The following COLQ variants were observed in gnomAD, a reference collection of about 807,000 sequenced individuals.
The protein encoded by COLQ is acetylcholinesterase collagenic tail peptide.
A neutral mutation model predicts 69.0 loss-of-function variants in COLQ; 48 were observed. The observed-to-expected ratio is 0.70, with a 90% CI of 0.55 to 0.88. The LOEUF is 0.88. COLQ is among the 40% of genes least tolerant of loss of function. The pLI is 0.00. For missense variants in COLQ, 618 were observed against 594.6 expected, an observed-to-expected ratio of 1.04 and a Z score of -0.41; for synonymous variants, 217 against 211.2, an observed-to-expected ratio of 1.03 and a Z score of -0.24.
intron 14 of COLQ, 121 bp downstream of exon 14, chr3:15,456,339 C>T (rs2062024967): frequency 7.3e-7 from 1 of 1,362,766 alleles, no homozygotes; most frequent in South Asian, 1.3e-5. Context: ...GCTCAGCCCT[C>T]CCATGCAGAC....
intron 11 of COLQ, among the ~76,000 whole-genome samples, chr3:15,467,446 G>A (rs1309759935): frequency 6.6e-6 from 1 of 152,198 alleles, no homozygotes; most frequent in Non-Finnish European, 1.5e-5. Flanking sequence ...CACAGCAACT[G>A]GCTTGGTTCC....
In COLQ at chr3:15,456,466, G is replaced by A; in HGVS notation, c.1068C>T (p.Pro356=). The stretch of plus-strand genomic sequence containing the variant: ...GGTAATGGCCTGGGGGTACCTGGAT[G>A]GGGAGCCAGCCAAGGCTGTCCTTGA... ...LYFKDSLGWL[P]IQLTPFYPVD... The change falls in exon 14 of 17, where the codon CCC becomes CCT. Residue 356 remains proline, a synonymous_variant. Transcript: ENST00000383788. 6.2e-7 allele frequency: 1 copy of A among 1,614,094 alleles called. No homozygotes were observed. The highest frequency in any genetic ancestry group is 8.5e-7 in the Non-Finnish European group (1 of 1,180,020).
chr3:15,474,829 C>T, intron 8 of COLQ, 96 bp downstream of exon 8: 2 of 1,428,950 alleles, frequency 1.4e-6, no homozygotes, highest in Non-Finnish European at 2.0e-6. Context: ...CAGTTGCAGA[C>T]TAAAGAGAGA....
At chr3:15,491,588 C>A (rs1340524377) in intron 1 of COLQ, among the ~76,000 whole-genome samples, 1 of 152,250 alleles carries the variant, frequency 6.6e-6, no homozygotes, top group African/African-American at 2.4e-5. Context: ...GAGCATTCCA[C>A]TGGCCTGTGC....
At chr3:15,484,082 T>C (rs972996691) in intron 3 of COLQ, among the ~76,000 whole-genome samples, 1 of 152,218 alleles carries the variant, frequency 6.6e-6, no homozygotes, top group Non-Finnish European at 1.5e-5. Context: ...TTTTCCTCCA[T>C]CCCTTTATCT....
At chr3:15,509,219 C>T (rs777284168) in intron 1 of COLQ, among the ~76,000 whole-genome samples, 1 of 152,156 alleles carries the variant, frequency 6.6e-6, no homozygotes, top group African/African-American at 2.4e-5. Flanking sequence ...CCCAGGAGGA[C>T]CTGCACTAGG....
rs763440701 is a variant in COLQ, at chr3:15,451,218, C to T, written c.*426G>A. On this transcript the variant is annotated 3_prime_UTR_variant, in exon 17 of 17. Transcript: ENST00000383788. Reference sequence around the variant, plus strand: ...CCCAGTGTGAGTGAGAATGCCTGCACGTTTCGGTGGTCAGGGGCGGAGAGG... The same window carrying T: ...CCCAGTGTGAGTGAGAATGCCTGCATGTTTCGGTGGTCAGGGGCGGAGAGG... 7 of 262,328 alleles carry T rather than the reference C, an allele frequency of 2.7e-5. No homozygotes were observed. The highest frequency in any genetic ancestry group is 9.2e-5 in the Admixed American group (2 of 21,732). 16.3% of individuals were successfully genotyped at this position (262,328 alleles called of 1,614,324 possible).
At chr3:15,496,957 C>G (rs2062754282) in intron 1 of COLQ, among the ~76,000 whole-genome samples, 1 of 151,564 alleles carries the variant, frequency 6.6e-6, no homozygotes, top group Non-Finnish European at 1.5e-5. Context: ...CAGTACAACT[C>G]ACTTACTCAA....
intron 1 of COLQ, among the ~76,000 whole-genome samples, chr3:15,515,519 G>A (rs1264118001): frequency 6.6e-6 from 1 of 152,180 alleles, no homozygotes; most frequent in African/African-American, 2.4e-5. Flanking sequence ...TGCATTTAAA[G>A]AAGATGGGGA....
chr3:15,491,874 A>G (rs1278965785), intron 1 of COLQ, among the ~76,000 whole-genome samples: 1 of 152,090 alleles, frequency 6.6e-6, no homozygotes, highest in African/African-American at 2.4e-5. Flanking sequence ...CCTGGCCAAC[A>G]TGGTGAAACC....
chr3:15,503,362 G>A (rs907224026), intron 1 of COLQ, among the ~76,000 whole-genome samples: 16 of 152,184 alleles, frequency 1.1e-4, no homozygotes, highest in African/African-American at 3.4e-4. Context: ...AGAGATGGGG[G>A]CATGTCATTA....
chr3:15,455,989 C>T lies in COLQ; in HGVS notation c.1105G>A (p.Ala369Thr). 4.3e-6 allele frequency: 7 copies of T among 1,614,116 alleles called. No individual in the cohort carries two copies. Among genetic ancestry groups the T allele is most frequent in the Non-Finnish European group, 5.9e-6 (7 of 1,180,004 alleles). ...LTPFYPVDYT[A>T]DQHGTCGDGL... ...TCCCCACAGGTGCCGTGCTGGTCTGCAGTGTAATCCACAGGGTAGAAAGGG... is the reference window on the plus strand; with the variant it reads ...TCCCCACAGGTGCCGTGCTGGTCTGTAGTGTAATCCACAGGGTAGAAAGGG... Residue 369 changes from alanine (A) to threonine (T), a missense_variant, in exon 15 of 17, where the codon GCA (alanine) becomes ACA (threonine). Transcript: ENST00000383788.
At chr3:15,475,879 T>C (rs539385599) in intron 6 of COLQ, among the ~76,000 whole-genome samples, 37 of 152,176 alleles carry the variant, frequency 2.4e-4, no homozygotes, top group Non-Finnish European at 3.7e-4. Context: ...GCTCTTTGCA[T>C]AGGAAGGGTC....
chr3:15,462,615 G>A (rs184830490), intron 12 of COLQ, among the ~76,000 whole-genome samples: 8 of 152,240 alleles, frequency 5.3e-5, no homozygotes, highest in African/African-American at 1.9e-4. Flanking sequence ...CACATACCAG[G>A]TGCCACTGGG....
chr3:15,490,478 T>C (rs1303965414), intron 1 of COLQ, among the ~76,000 whole-genome samples: 1 of 152,208 alleles, frequency 6.6e-6, no homozygotes, highest in African/African-American at 2.4e-5. Context: ...AGAGATTCAT[T>C]TTGACTAATT....
At chr3:15,520,591 G>GA (rs1333728873) in intron 1 of COLQ, among the ~76,000 whole-genome samples, 3 of 152,206 alleles carry the variant, frequency 2.0e-5, no homozygotes, top group Non-Finnish European at 4.4e-5. Context: ...CTTTGCTGGG[G>GA]AGAGTCAGGG....
intron 11 of COLQ, among the ~76,000 whole-genome samples, chr3:15,470,269 C>T (rs993279267): frequency 6.6e-6 from 1 of 152,204 alleles, no homozygotes; most frequent in Non-Finnish European, 1.5e-5. Context: ...TTAAGACAGA[C>T]TTATTTTTAT....
At chr3:15,492,446 C>T (rs2062682916) in intron 1 of COLQ, among the ~76,000 whole-genome samples, 2 of 152,136 alleles carry the variant, frequency 1.3e-5, no homozygotes, top group African/African-American at 4.8e-5. Flanking sequence ...GTGGGTGGGT[C>T]ACGAGGTCAG....
At chr3:15,459,442 A>T (rs946066438) in intron 12 of COLQ, among the ~76,000 whole-genome samples, 21 of 151,836 alleles carry the variant, frequency 1.4e-4, no homozygotes, top group South Asian at 4.2e-4. Flanking sequence ...TTTATTTATT[A>T]AAAAAAATTT....
Sources: gnomAD v4.1 joint callset for allele counts (sites outside exome capture counted in the v4.1 genomes callset) on GRCh38, gnomAD v4.1.1 for gene constraint, MANE v1.5 for transcripts, NCBI Gene and HGNC (gene_info 2026-07-23, HGNC 2026-07-21) for gene names.